CHMP2A: variants seen among roughly 807,000 people sequenced by gnomAD.
CHMP2A encodes charged multivesicular body protein 2A, also known as VPS2 homolog A.
Under a neutral mutation model 21.8 loss-of-function variants are expected in CHMP2A, and 6 were observed. The observed-to-expected ratio is 0.28, with a 90% CI of 0.15 to 0.54. The LOEUF (loss-of-function observed/expected upper bound fraction) is 0.54, where lower values mean the gene tolerates loss of function less well. Ranked by LOEUF, CHMP2A falls within the 20% of genes least tolerant of loss-of-function variation. CHMP2A has a pLI of 0.95. For missense variants in CHMP2A, 303 were observed against 293.9 expected (o/e 1.03, Z -0.23); for synonymous variants, 125 against 107.0 (o/e 1.17, Z -1.04).
In CHMP2A at chr19:58,551,705, G is replaced by T; in HGVS notation, c.613C>A (p.Leu205Ile). 6.2e-7 allele frequency: 1 copy of T among 1,614,138 alleles called. No individual in the cohort carries two copies. The highest frequency in any genetic ancestry group is 2.2e-5 in the East Asian group (1 of 44,880). ...GKKAEAAASA[L>I]ADADADLEER... Reference sequence around the variant, plus strand: ...TCCAGGTCTGCATCAGCATCAGCTAGGGCTGAGGCTGCGGCCTCTGCTTTT... The same window carrying T: ...TCCAGGTCTGCATCAGCATCAGCTATGGCTGAGGCTGCGGCCTCTGCTTTT... The change falls in exon 6 of 6, where the codon CTA (leucine) becomes ATA (isoleucine). Residue 205 changes from leucine (L) to isoleucine (I), a missense_variant. By Grantham distance (5) the Leu-to-Ile change is conservative. Coordinates refer to ENST00000312547, the MANE Select transcript of CHMP2A (RefSeq NM_014453.4).
chr19:58,551,661 C>T lies in CHMP2A; in HGVS notation c.657G>A (p.Leu219=), dbSNP rs1474168027. ...DADLEERLKN[L]RRD ...GTGGCAGGGGCACTCAGTCCCTCCG[C>T]AGGTTCTTAAGCCGTTCCTCCAGGT... The change falls in exon 6 of 6, where the codon CTG becomes CTA. Residue 219 remains leucine, a synonymous_variant. Coordinates refer to ENST00000312547, the MANE Select transcript of CHMP2A (RefSeq NM_014453.4). 2.0e-5 allele frequency: 32 copies of T among 1,613,800 alleles called. No individual in the cohort carries two copies. The highest frequency in any genetic ancestry group is 2.7e-5 in the African/African-American group (2 of 74,912).
chr19:58,551,981 A>G lies in CHMP2A; in HGVS notation c.480-14T>C, dbSNP rs894106733. On this transcript the variant is annotated splice_polypyrimidine_tract_variant and intron_variant, in intron 4 of 5. Transcript: ENST00000312547. ...ACCACAGCATCACTAGGGAAGAGAG[A>G]GAACTCAGTGAGGGCTATGCACTCC... is the stretch of plus-strand genomic sequence containing the variant. 6.2e-7 allele frequency: 1 copy of G among 1,614,142 alleles called. No individual in the cohort carries two copies. The highest frequency in any genetic ancestry group is 8.5e-7 in the Non-Finnish European group (1 of 1,180,002).
intron 2 of CHMP2A, chr19:58,553,841 G>A: frequency 1.6e-6 from 1 of 639,084 alleles, no homozygotes; most frequent in Non-Finnish European, 2.8e-6. Context: ...CAGATCTGTA[G>A]GCTCACTCTC....
intron 2 of CHMP2A, among the ~76,000 whole-genome samples, chr19:58,553,374 T>G (rs1033522860): frequency 2.8e-5 from 4 of 145,190 alleles, no homozygotes; most frequent in Non-Finnish European, 6.1e-5. Context: ...TTAACTGGTT[T>G]TTTTTTTTTT....
In CHMP2A at chr19:58,554,034, C is replaced by T; in HGVS notation, c.168+11G>A. Reference sequence around the variant, plus strand: ...TGATTGACAGCAACCTGCCCGACCACCCACACTCACCATCTGGCCTTGCTT... The same window carrying T: ...TGATTGACAGCAACCTGCCCGACCATCCACACTCACCATCTGGCCTTGCTT... On this transcript the variant is annotated intron_variant, in intron 2 of 5. Transcript: ENST00000312547. 1 of 1,613,284 alleles carries T rather than the reference C, an allele frequency of 6.2e-7. No homozygotes were observed. The highest frequency in any genetic ancestry group is 8.5e-7 in the Non-Finnish European group (1 of 1,179,998).
chr19:58,553,861 G>C, intron 2 of CHMP2A, 184 bp downstream of exon 2: 1 of 698,516 alleles, frequency 1.4e-6, no homozygotes. Flanking sequence ...CATCACTCAA[G>C]CCTTGGATCT....
chr19:58,551,613 G>C lies in CHMP2A; in HGVS notation c.*36C>G. 6.2e-7 allele frequency: 1 copy of C among 1,603,876 alleles called. No homozygotes were observed. Among genetic ancestry groups the C allele is most frequent in the Non-Finnish European group, 8.5e-7 (1 of 1,172,866 alleles). On this transcript the variant is annotated 3_prime_UTR_variant, in exon 6 of 6. Coordinates refer to ENST00000312547, the MANE Select transcript of CHMP2A (RefSeq NM_014453.4). ...CAGAGGGGTTGTGGTAAAAGATCCT[G>C]GGCATCCACTGGTTATCTCGGAGTG...
Position 58,552,051 on chromosome 19 carries a change from A to C in CHMP2A, c.479+4T>G, listed in dbSNP as rs777933921. The C allele has an allele frequency of 6.2e-6, 10 of 1,614,036 alleles. No individual in the cohort carries two copies. The East Asian group carries it at 2.2e-4, about 36-fold the overall frequency. ...CTCCACCCTCCCATCCAGTTTCCCC[A>C]TACCTCTCCTCTTCATCTTCCTCAT... On this transcript the variant is annotated splice_donor_region_variant and intron_variant, in intron 4 of 5. Coordinates refer to ENST00000312547, the MANE Select transcript of CHMP2A (RefSeq NM_014453.4).
chr19:58,553,393 C>T (rs2053855563), intron 2 of CHMP2A, among the ~76,000 whole-genome samples: 1 of 114,878 alleles, frequency 8.7e-6, no homozygotes, highest in African/African-American at 3.4e-5. Context: ...TTTTTTGAGA[C>T]AGAGTCTCGC....
Position 58,552,364 on chromosome 19 carries a change from G to C in CHMP2A, c.243C>G (p.Ala81=), listed in dbSNP as rs372702922. 1.9e-6 allele frequency: 3 copies of C among 1,614,208 alleles called. No individual in the cohort carries two copies. The highest frequency in any genetic ancestry group is 2.7e-5 in the African/African-American group (2 of 75,040). ...TCTTGAGGGACACAGCCTGGATGTT[G>C]GCCCGCATCAATACAAACTTGCGCA... is the stretch of plus-strand genomic sequence containing the variant. ...RYVRKFVLMR[A]NIQAVSLKIQ... Residue 81 remains alanine (A), a synonymous_variant, in exon 3 of 6, where the codon GCC becomes GCG. Transcript: ENST00000312547.
At position 58,551,619 on chromosome 19, in the gene CHMP2A, C is replaced by G. The variant is rs2053824993; in HGVS notation, c.*30G>C. ...GGTTGTGGTAAAAGATCCTGGGCAT[C>G]CACTGGTTATCTCGGAGTGGCAGGG... On this transcript the variant is annotated 3_prime_UTR_variant, in exon 6 of 6. Coordinates refer to ENST00000312547, the MANE Select transcript of CHMP2A (RefSeq NM_014453.4). 12 of 1,608,174 alleles carry G rather than the reference C, an allele frequency of 7.5e-6. No individual in the cohort carries two copies. The highest frequency in any genetic ancestry group is 1.0e-5 in the Non-Finnish European group (12 of 1,176,162).
At chr19:58,552,789 G>T (rs1323726282) in intron 2 of CHMP2A, among the ~76,000 whole-genome samples, 1 of 152,116 alleles carries the variant, frequency 6.6e-6, no homozygotes, top group Admixed American at 6.5e-5. Flanking sequence ...TTTATTCCCA[G>T]CCTAGACAAA....
At chr19:58,554,560 C>T (rs1600089662) in intron 1 of CHMP2A, 1 of 260,758 alleles carries the variant, frequency 3.8e-6, no homozygotes, top group Non-Finnish European at 7.4e-6. Flanking sequence ...CGACTGAGAG[C>T]GGGGGATGAC....
chr19:58,553,572 T>C (rs7257669), intron 2 of CHMP2A, among the ~76,000 whole-genome samples: 51,983 of 149,006 alleles, frequency 0.35, 11,226 homozygotes, highest in African/African-American at 0.62. Flanking sequence ...GGGGTTACTC[T>C]GTGTTGGTCA....
rs146680703 is a variant in CHMP2A, at chr19:58,551,793, G to C, written c.542-17C>G. The stretch of plus-strand genomic sequence containing the variant: ...AGGGGAGGTCTGCAGAGAAAGTGGG[G>C]GTTTGAGCAGGTGGGGTCAGGCAGC... On this transcript the variant is annotated splice_polypyrimidine_tract_variant and intron_variant, in intron 5 of 5. Transcript: ENST00000312547. 5 of 1,614,116 alleles carry C rather than the reference G, an allele frequency of 3.1e-6. No individual in the cohort carries two copies. The East Asian group carries it at 8.9e-5, about 29-fold the overall frequency.
Position 58,554,153 on chromosome 19 carries a change from C to T in CHMP2A, c.60G>A (p.Arg20=), listed in dbSNP as rs1353249289. 2 of 1,614,144 alleles carry T rather than the reference C, an allele frequency of 1.2e-6. No individual in the cohort carries two copies. Among genetic ancestry groups the T allele is most frequent in the East Asian group, 4.5e-5 (2 of 44,896 alleles). ...TPEELLRQNQ[R]ALNRAMRELD... is the part of the protein sequence containing the mutation. ...GCTCCCGCATGGCACGGTTCAGGGC[C>T]CTCTGGTTCTGCCGCAGTAGCTCCT... Residue 20 remains arginine (R), a synonymous_variant, in exon 2 of 6, where the codon AGG becomes AGA. Coordinates refer to ENST00000312547, the MANE Select transcript of CHMP2A (RefSeq NM_014453.4).
Position 58,552,418 on chromosome 19 carries a change from T to G in CHMP2A, c.189A>C (p.Ala63=), listed in dbSNP as rs1281447268. Residue 63 remains alanine (A), a synonymous_variant, in exon 3 of 6, where the codon GCA becomes GCC. Coordinates refer to ENST00000312547, the MANE Select transcript of CHMP2A (RefSeq NM_014453.4). ...QGQMDAVRIM[A]KDLVRTRRYV... ...AGCGCCGGGTGCGCACCAAGTCTTT[T>G]GCCATGATGCGAACAGCATCCTGCA... The G allele has an allele frequency of 5.6e-6, 9 of 1,614,094 alleles. No individual in the cohort carries two copies. Among genetic ancestry groups the G allele is most frequent in the Non-Finnish European group, 7.6e-6 (9 of 1,179,986 alleles).
In CHMP2A at chr19:58,555,050, C is replaced by CT. The variant is rs2122652951; in HGVS notation, c.-88dup. Reference sequence around the variant, plus strand: ...ACGCTTCTCTTTCTGGGATCCCCGACTTGCCCACCAACTAAGGCCCCTCGG... The same window carrying CT: ...ACGCTTCTCTTTCTGGGATCCCCGACTTTGCCCACCAACTAAGGCCCCTCGG... On this transcript the variant is annotated 5_prime_UTR_variant, in exon 1 of 6. Coordinates refer to ENST00000312547, the MANE Select transcript of CHMP2A (RefSeq NM_014453.4). The CT allele has an allele frequency of 6.6e-6, 1 of 152,602 alleles. No individual in the cohort carries two copies. The highest frequency in any genetic ancestry group is 1.9e-4 in the East Asian group (1 of 5,186). 9.5% of individuals were successfully genotyped at this position (152,602 alleles called of 1,614,324 possible).
intron 2 of CHMP2A, 92 bp from the exon 3 acceptor site, chr19:58,552,530 C>G: frequency 7.7e-7 from 1 of 1,292,048 alleles, no homozygotes; most frequent in Non-Finnish European, 1.1e-6. Flanking sequence ...CCCCACCAGC[C>G]CAATTTGCAA....
Sources: allele counts gnomAD v4.1 joint callset (sites outside exome capture counted in the v4.1 genomes callset), GRCh38; gene constraint gnomAD v4.1.1; transcripts MANE v1.5; gene names NCBI Gene and HGNC (gene_info 2026-07-23, HGNC 2026-07-21).